The following NPC1 variants were observed in gnomAD, a reference collection of about 807,000 sequenced individuals.
The protein encoded by NPC1 is Niemann-Pick C1 protein.
Under a neutral mutation model 140.4 loss-of-function variants are expected in NPC1, and 85 were observed. The ratio of observed to expected loss-of-function variants is 0.61; its 90% CI spans 0.51 to 0.72. NPC1 has a LOEUF of 0.72. Ranked by LOEUF, NPC1 falls within the 30% of genes least tolerant of loss-of-function variation. NPC1 has a pLI of 0.00. For synonymous variants in NPC1, 656 were observed against 624.8 expected (o/e 1.05, Z -0.74); for missense variants, 1,504 against 1,623.8 (o/e 0.93, Z 1.27).
At chr18:23,548,282 G>T (rs961048522) in intron 10 of NPC1, among the ~76,000 whole-genome samples, 174 bp from the exon 11 acceptor site, 20 of 150,912 alleles carry the variant, frequency 1.3e-4, no homozygotes, top group Non-Finnish European at 2.5e-4. Context: ...TTCAGTTAAT[G>T]AATAAAAAGG....
chr18:23,539,745 T>G, intron 18 of NPC1, 66 bp downstream of exon 18: 3 of 1,531,674 alleles, frequency 2.0e-6, no homozygotes, highest in Non-Finnish European at 2.7e-6. Flanking sequence ...ATTTCAGGCC[T>G]GAGCTGACTG....
chr18:23,542,871 G>C (rs111858512), intron 14 of NPC1, among the ~76,000 whole-genome samples: 14 of 152,182 alleles, frequency 9.2e-5, no homozygotes, highest in African/African-American at 2.9e-4. Flanking sequence ...GGGGAAAGTG[G>C]CAAGACGAAC....
intron 24 of NPC1, chr18:23,532,946 C>T (rs2058560270): frequency 1.0e-5 from 10 of 985,200 alleles, no homozygotes; most frequent in African/African-American, 1.7e-5. Context: ...AGGCAGCAAG[C>T]ACTTTGCTAA....
intron 4 of NPC1, among the ~76,000 whole-genome samples, chr18:23,567,477 T>C (rs775152257): frequency 1.3e-5 from 2 of 152,240 alleles, no homozygotes; most frequent in Admixed American, 6.5e-5. Flanking sequence ...CATTTTTCAA[T>C]TGGGCTGTTT....
rs146403537 is a variant in NPC1, at chr18:23,535,072, G to A, written c.3477+397C>T. Among the ~76,000 whole-genome samples, 437 of 152,274 alleles carry A rather than the reference G, an allele frequency of 2.9e-3. 2 individuals carry two copies. Among genetic ancestry groups the A allele is most frequent in the African/African-American group, 9.8e-3 (409 of 41,554 alleles). On this transcript the variant is annotated intron_variant, in intron 22 of 24. Coordinates refer to ENST00000269228, the MANE Select transcript of NPC1 (RefSeq NM_000271.5). ...CTAAGTAAAAAGTGAACATCCTGCT[G>A]TCATCAGGCTACAGGCTTGTGCAAT...
At chr18:23,529,219 A>G (rs943296387), downstream of NPC1, 5 of 1,613,982 alleles carry the variant, frequency 3.1e-6, no homozygotes, top group African/African-American at 1.3e-5. Flanking sequence ...CCGCTCCTCA[A>G]GAGGCCGGTG....
At chr18:23,561,572 G>A in intron 4 of NPC1, 45 bp from the exon 5 acceptor site, 1 of 1,596,638 alleles carries the variant, frequency 6.3e-7, no homozygotes, top group Non-Finnish European at 8.6e-7. Flanking sequence ...GATGCTTGCT[G>A]TAATTCACGA....
chr18:23,581,139 C>A lies in NPC1; in HGVS notation c.57+5148G>T, dbSNP rs1391033876. 2.0e-5 allele frequency among the ~76,000 whole-genome samples: 3 copies of A among 152,168 alleles called. No individual in the cohort carries two copies. The East Asian group carries it at 5.8e-4, about 29-fold the overall frequency. ...GTTAGTCTTAGACATTTAGGAGCCA[C>A]AAAACTAAAACAAAACTATGAAAGT... is the stretch of plus-strand genomic sequence containing the variant. On this transcript the variant is annotated intron_variant, in intron 1 of 24. Coordinates refer to ENST00000269228, the MANE Select transcript of NPC1 (RefSeq NM_000271.5).
At chr18:23,539,787 A>G in intron 18 of NPC1, 24 bp downstream of exon 18, 1 of 1,611,998 alleles carries the variant, frequency 6.2e-7, no homozygotes, top group Non-Finnish European at 8.5e-7. Flanking sequence ...CTGCTTCTGA[A>G]GTACAAGACA....
chr18:23,567,862 CT>C (rs988541634), intron 4 of NPC1, among the ~76,000 whole-genome samples: 2 of 152,182 alleles, frequency 1.3e-5, no homozygotes, highest in African/African-American at 4.8e-5. Flanking sequence ...AATTGACCAA[CT>C]TTTTAATTTG....
At position 23,544,950 on chromosome 18, in the gene NPC1, C is replaced by CT. The variant is rs1555634683; in HGVS notation, c.1947+9_1947+10insA. On this transcript the variant is annotated intron_variant, in intron 12 of 24. Transcript: ENST00000269228. ...ACCTCTAGAACATACACCACCCCCC[C>CT]CCGGCTTACCAGAAGCCTGCGACAG... 24 of 1,415,882 alleles carry CT rather than the reference C, an allele frequency of 1.7e-5. 1 individual carries two copies. The highest frequency in any genetic ancestry group is 1.0e-4 in the Admixed American group (6 of 57,410). 87.7% of individuals were successfully genotyped at this position (1,415,882 alleles called of 1,614,324 possible). A position where few individuals can be genotyped will look rare whatever the true frequency, so the allele number is the denominator to read the frequency against.
chr18:23,529,048 C>CT (rs2145289626), downstream of NPC1: 1 of 1,428,580 alleles, frequency 7.0e-7, no homozygotes, highest in South Asian at 1.4e-5. Flanking sequence ...AAAGTTGTAT[C>CT]TAAGTAGAGA....
At position 23,531,447 on chromosome 18, in the gene NPC1, TC is replaced by T; in HGVS notation, c.*754del. 1 of 1,300,230 alleles carries T rather than the reference TC, an allele frequency of 7.7e-7. No individual in the cohort carries two copies. Among genetic ancestry groups the T allele is most frequent in the Non-Finnish European group, 1.0e-6 (1 of 984,622 alleles). 80.5% of individuals were successfully genotyped at this position (1,300,230 alleles called of 1,614,324 possible). On this transcript the variant is annotated 3_prime_UTR_variant, in exon 25 of 25. Transcript: ENST00000269228. ...TAAGGACAGGTTAGATAGAATCTCT[TC>T]CATTTAGCTTTTGTATTTGTCTCTC...
chr18:23,523,562 A>AG lies in NPC1; in HGVS notation c.164-657_164-656insC, dbSNP rs1358479115. Among the ~76,000 whole-genome samples the AG allele has an allele frequency of 3.7e-3, 556 of 149,778 alleles. 5 individuals carry two copies. The highest frequency in any genetic ancestry group is 0.013 in the African/African-American group (531 of 40,650). On this transcript the variant is annotated intron_variant, in intron 1 of 1. Coordinates refer to the NPC1 transcript ENST00000590723. ...TCTTCACAAAAAAAAAAAAAAAAAA[A>AG]AAAAAAAGAAAAAAAGTTAGGGCAT...
chr18:23,576,828 C>T (rs906462446), intron 1 of NPC1: 6 of 169,146 alleles, frequency 3.5e-5, no homozygotes, highest in South Asian at 1.6e-4. Context: ...CAGATCTTCG[C>T]GGTGAGTGTT....
At position 23,557,099 on chromosome 18, in the gene NPC1, A is replaced by G. The variant is rs753414792; in HGVS notation, c.955+18T>C. On this transcript the variant is annotated intron_variant, in intron 7 of 24. Coordinates refer to ENST00000269228, the MANE Select transcript of NPC1 (RefSeq NM_000271.5). The stretch of plus-strand genomic sequence containing the variant: ...CAGCATCATCTGAACCCTTTTATTC[A>G]TGGACAAATATGCCTACCTTTGTCA... 38 of 1,597,624 alleles carry G rather than the reference A, an allele frequency of 2.4e-5. No homozygotes were observed. In the Middle Eastern group the frequency reaches 5.0e-4, roughly 21 times the overall value.
At chr18:23,579,167 G>A (rs1415713673) in intron 1 of NPC1, among the ~76,000 whole-genome samples, 1 of 152,206 alleles carries the variant, frequency 6.6e-6, no homozygotes, top group African/African-American at 2.4e-5. Flanking sequence ...CCTTGGTCAT[G>A]CCCTAGGATC....
At chr18:23,510,655 A>G (rs1598850358) in intron 3 of NPC1, among the ~76,000 whole-genome samples, 2 of 152,364 alleles carry the variant, frequency 1.3e-5, no homozygotes, top group East Asian at 1.9e-4. Flanking sequence ...TCAAAAAAAA[A>G]AAAGTGGGCA....
chr18:23,507,118 T>A, intron 3 of NPC1: 1 of 1,145,796 alleles, frequency 8.7e-7, no homozygotes, highest in Non-Finnish European at 1.3e-6. Context: ...AGAGAAGGAA[T>A]CGCAAATTTT....
Sources: gnomAD v4.1 joint callset for allele counts (sites outside exome capture counted in the v4.1 genomes callset) on GRCh38, gnomAD v4.1.1 for gene constraint, MANE v1.5 for transcripts, NCBI Gene and HGNC (gene_info 2026-07-23, HGNC 2026-07-21) for gene names.